KDM4B: variants seen among roughly 807,000 people sequenced by gnomAD.
KDM4B encodes lysine demethylase 4B.
In KDM4B, 32 loss-of-function variants were observed where a neutral mutation model predicts 125.2. The ratio of observed to expected loss-of-function variants is 0.26; its 90% CI spans 0.19 to 0.34. KDM4B has a LOEUF of 0.34. KDM4B is among the 10% of genes least tolerant of loss of function. The pLI, the probability that KDM4B is intolerant of heterozygous loss-of-function variation, is 1.00. For missense variants in KDM4B, 1,190 were observed against 1,577.7 expected (o/e 0.75, Z 4.16); for synonymous variants, 721 against 677.9 (o/e 1.06, Z -0.99).
intron 15 of KDM4B, among the ~76,000 whole-genome samples, chr19:5,136,273 A>G (rs1481672905): frequency 2.0e-5 from 3 of 152,220 alleles, no homozygotes; most frequent in Admixed American, 6.5e-5. Context: ...CTCTGCTCTC[A>G]GGGACCCCTC....
In KDM4B at chr19:4,969,787, C is replaced by G. The variant is rs2271451; in HGVS notation, c.-109+557C>G. 4.2e-3 allele frequency among the ~76,000 whole-genome samples: 637 copies of G among 151,648 alleles called. 25 individuals carry two copies. The South Asian group carries it at 0.064, about 15-fold the overall frequency. ...CTAAATGCCTATCATTGCTCCTGCA[C>G]TGCCCCCACCTCCGGTCAACCTGCT... On this transcript the variant is annotated intron_variant, in intron 1 of 22. Transcript: ENST00000159111.
chr19:5,051,644 C>T (rs12611002), intron 6 of KDM4B, among the ~76,000 whole-genome samples: 12,536 of 152,300 alleles, frequency 0.082, 743 homozygotes, highest in East Asian at 0.23. Context: ...GTGGCAGCCA[C>T]AGAGGCCTCT....
intron 8 of KDM4B, among the ~76,000 whole-genome samples, chr19:5,079,477 G>A (rs1381001855): frequency 3.3e-5 from 5 of 152,198 alleles, no homozygotes; most frequent in Admixed American, 6.5e-5. Flanking sequence ...GGCTGGGGGA[G>A]TGAGGTCCTT....
intron 1 of KDM4B, among the ~76,000 whole-genome samples, chr19:4,977,761 C>T (rs566761170): frequency 9.2e-5 from 14 of 152,240 alleles, no homozygotes; most frequent in Middle Eastern, 6.8e-3. Context: ...TGCCCTCAGC[C>T]GGGACTCAGG....
intron 7 of KDM4B, 54 bp downstream of exon 7, chr19:5,071,113 G>T: frequency 6.4e-7 from 1 of 1,562,712 alleles, no homozygotes; most frequent in South Asian, 1.1e-5. Context: ...GGAGGGGCCT[G>T]TGGGTGGGGA....
At chr19:5,047,319 G>T (rs534854073) in intron 5 of KDM4B, among the ~76,000 whole-genome samples, 157 bp from the exon 6 acceptor site, 1 of 152,184 alleles carries the variant, frequency 6.6e-6, no homozygotes, top group Admixed American at 6.5e-5. Context: ...CCCCTGGTCT[G>T]CAGGGTATGA....
At chr19:5,001,990 TTTTTTTTTTC>T (rs958288953) in intron 1 of KDM4B, among the ~76,000 whole-genome samples, 19 of 134,400 alleles carry the variant, frequency 1.4e-4, no homozygotes, top group East Asian at 3.0e-4. Flanking sequence ...TTCCTTTGTG[TTTTTTTTTTC>T]TTTTTTTTTC....
chr19:5,083,031 C>T (rs1433264599), intron 9 of KDM4B, among the ~76,000 whole-genome samples: 1 of 152,158 alleles, frequency 6.6e-6, no homozygotes, highest in Non-Finnish European at 1.5e-5. Flanking sequence ...CTGGGTGCTT[C>T]CTGCTGGTGG....
intron 1 of KDM4B, among the ~76,000 whole-genome samples, chr19:4,978,955 G>A (rs192089069): frequency 6.6e-6 from 1 of 152,358 alleles, no homozygotes; most frequent in Admixed American, 6.5e-5. Flanking sequence ...TGCCCGCAGG[G>A]CCTCTTGGTG....
At position 5,040,150 on chromosome 19, in the gene KDM4B, G is replaced by C. The variant is rs532718975; in HGVS notation, c.317+139G>C. The C allele has an allele frequency of 7.1e-4, 686 of 969,824 alleles. 7 individuals carry two copies. The Middle Eastern group carries it at 9.4e-3, about 13-fold the overall frequency. 60.1% of individuals were successfully genotyped at this position (969,824 alleles called of 1,614,324 possible). On this transcript the variant is annotated intron_variant, in intron 4 of 22. Coordinates refer to ENST00000159111, the MANE Select transcript of KDM4B (RefSeq NM_015015.3). ...CTGCTCTGTGTGCCCCGTGTGGGCTGTGGCGACCCCTGCTCCCAGGGTGGA... is the reference window on the plus strand; with the variant it reads ...CTGCTCTGTGTGCCCCGTGTGGGCTCTGGCGACCCCTGCTCCCAGGGTGGA...
chr19:5,091,031 A>G (rs1437674915), intron 9 of KDM4B, among the ~76,000 whole-genome samples: 10 of 152,216 alleles, frequency 6.6e-5, no homozygotes, highest in Non-Finnish European at 1.5e-4. Flanking sequence ...CTAATGGGGC[A>G]GATCAAAAGG....
intron 6 of KDM4B, among the ~76,000 whole-genome samples, chr19:5,067,381 C>A (rs1800386423): frequency 6.6e-6 from 1 of 152,212 alleles, no homozygotes; most frequent in South Asian, 2.1e-4. Flanking sequence ...CGCTGGGCCG[C>A]AGACCCTCCG....
chr19:5,034,074 C>A (rs1459658755), intron 3 of KDM4B, among the ~76,000 whole-genome samples: 1 of 152,218 alleles, frequency 6.6e-6, no homozygotes, highest in African/African-American at 2.4e-5. Context: ...GTTGAGGCTG[C>A]AGTGAGCTGA....
At chr19:5,023,066 G>C (rs2036172389) in intron 2 of KDM4B, among the ~76,000 whole-genome samples, 1 of 152,138 alleles carries the variant, frequency 6.6e-6, no homozygotes, top group African/African-American at 2.4e-5. Context: ...AGGACCCTGA[G>C]CTGGGAGATG....
rs1015808265 is a variant in KDM4B, at chr19:5,115,979, AG to A, written c.1116-3673del. 6.6e-6 allele frequency among the ~76,000 whole-genome samples: 1 copy of A among 152,206 alleles called. No homozygotes were observed. The highest frequency in any genetic ancestry group is 1.5e-5 in the Non-Finnish European group (1 of 68,030). On this transcript the variant is annotated intron_variant, in intron 10 of 22. Transcript: ENST00000159111. This position sits in a 1 kb window ranked among gnomAD's most constrained non-coding sequence, Gnocchi z 4.2. ...AAGGCTTTGCATTTCCAGGTTAAAAAGTCCACCAGAAAGTCCGCCCAAGAAT... is the reference window on the plus strand; with the variant it reads ...AAGGCTTTGCATTTCCAGGTTAAAAATCCACCAGAAAGTCCGCCCAAGAAT...
intron 11 of KDM4B, among the ~76,000 whole-genome samples, chr19:5,120,756 C>T (rs912032391): frequency 4.6e-5 from 7 of 152,136 alleles, no homozygotes; most frequent in African/African-American, 7.2e-5. Context: ...TAGGGCTCCC[C>T]GCTGGGAGCC....
chr19:5,152,482 G>A lies in KDM4B; in HGVS notation c.*971G>A, dbSNP rs1311253017. 6.6e-6 allele frequency: 1 copy of A among 152,356 alleles called. No individual in the cohort carries two copies. Among genetic ancestry groups the A allele is most frequent in the African/African-American group, 2.4e-5 (1 of 41,468 alleles). 9.4% of individuals were successfully genotyped at this position (152,356 alleles called of 1,614,324 possible). On this transcript the variant is annotated 3_prime_UTR_variant, in exon 23 of 23. Transcript: ENST00000159111. ...CCCAGGCCCTTCTGGTTGGTAGTGA[G>A]TGTGGACAGCTTCCCAGCTCTTCGG... is the stretch of plus-strand genomic sequence containing the variant.
intron 6 of KDM4B, chr19:5,070,725 C>G (rs554910327): frequency 8.4e-6 from 3 of 355,880 alleles, no homozygotes; most frequent in Non-Finnish European, 1.5e-5. Context: ...GGTGGAGTGC[C>G]GCTTAACCGG....
intron 1 of KDM4B, among the ~76,000 whole-genome samples, chr19:5,001,744 G>A (rs1203288878): frequency 6.6e-6 from 1 of 152,228 alleles, no homozygotes; most frequent in African/African-American, 2.4e-5. Flanking sequence ...GCTGTTTCAT[G>A]TCTAAATACT....
Sources: allele counts gnomAD v4.1 joint callset (sites outside exome capture counted in the v4.1 genomes callset), GRCh38; gene constraint gnomAD v4.1.1; non-coding constraint Gnocchi (gnomAD v3.1); transcripts MANE v1.5; gene names NCBI Gene and HGNC (gene_info 2026-07-23, HGNC 2026-07-21).